TBC1D22A: variants seen among roughly 807,000 people sequenced by gnomAD.
TBC1D22A encodes putative GTPase activator.
A neutral mutation model predicts 60.2 loss-of-function variants in TBC1D22A; 38 were observed. The observed-to-expected ratio is 0.63, with a 90% CI of 0.49 to 0.83. The LOEUF (loss-of-function observed/expected upper bound fraction) is 0.83, where lower values mean the gene tolerates loss of function less well. TBC1D22A is among the 40% of genes least tolerant of loss of function. TBC1D22A has a pLI of 0.00. For synonymous variants in TBC1D22A, 302 were observed against 281.7 expected (o/e 1.07, Z -0.72); for missense variants, 628 against 701.0 (o/e 0.90, Z 1.18).
intron 11 of TBC1D22A, among the ~76,000 whole-genome samples, chr22:47,084,790 G>A (rs2064610941): frequency 2.0e-5 from 3 of 152,106 alleles, no homozygotes; most frequent in South Asian, 2.1e-4. Context: ...AACAAGTATG[G>A]TACAAAGATA....
At chr22:46,996,526 T>C (rs1003232925) in intron 9 of TBC1D22A, among the ~76,000 whole-genome samples, 2 of 152,248 alleles carry the variant, frequency 1.3e-5, no homozygotes, top group African/African-American at 4.8e-5. Flanking sequence ...CCCCTTGCCA[T>C]GTAAGGCCAC....
chr22:46,913,011 TATTA>T (rs1244371748), intron 8 of TBC1D22A, among the ~76,000 whole-genome samples: 1 of 152,228 alleles, frequency 6.6e-6, no homozygotes, highest in Admixed American at 6.5e-5. Context: ...TTCATGAGAG[TATTA>T]ATTACTTGTG....
At chr22:46,778,388 C>T (rs931411379) in intron 1 of TBC1D22A, among the ~76,000 whole-genome samples, 4 of 152,186 alleles carry the variant, frequency 2.6e-5, no homozygotes, top group Admixed American at 2.6e-4. Flanking sequence ...ATACGTTGTA[C>T]AGCTGCACCA....
At chr22:46,764,356 A>G (rs1163028445) in intron 1 of TBC1D22A, 1 of 152,234 alleles carries the variant, frequency 6.6e-6, no homozygotes, top group Non-Finnish European at 1.5e-5. Flanking sequence ...GCTGTAGAAC[A>G]TAAGAGTCCA....
At chr22:46,998,235 C>T (rs1190897618) in intron 10 of TBC1D22A, among the ~76,000 whole-genome samples, 1 of 151,844 alleles carries the variant, frequency 6.6e-6, no homozygotes, top group Non-Finnish European at 1.5e-5. Flanking sequence ...TAAAATAATC[C>T]CCCCTGCGAT....
chr22:47,085,529 C>G (rs1319169717), intron 11 of TBC1D22A, among the ~76,000 whole-genome samples: 1 of 152,090 alleles, frequency 6.6e-6, no homozygotes, highest in East Asian at 1.9e-4. Flanking sequence ...GGGCAGAGCT[C>G]TCCCAATCAA....
rs2073152225 is a variant in TBC1D22A, at chr22:46,955,700, A to G, written c.1016-18590A>G. On this transcript the variant is annotated intron_variant, in intron 8 of 12. Transcript: ENST00000337137. ...CAAATTGAACCAATAATGCAGTTCTATTTTTGTCTATCAAATCATCACAAA... is the reference window on the plus strand; with the variant it reads ...CAAATTGAACCAATAATGCAGTTCTGTTTTTGTCTATCAAATCATCACAAA... Among the ~76,000 whole-genome samples, 2 of 152,230 alleles carry G rather than the reference A, an allele frequency of 1.3e-5. 1 individual carries two copies. Among genetic ancestry groups the G allele is most frequent in the South Asian group, 4.1e-4 (2 of 4,834 alleles).
chr22:46,954,310 T>C (rs1254516315), intron 8 of TBC1D22A, among the ~76,000 whole-genome samples: 1 of 152,246 alleles, frequency 6.6e-6, no homozygotes, highest in Non-Finnish European at 1.5e-5. Context: ...TTGCTTTAGA[T>C]CAGGATTAAG....
chr22:46,958,773 T>G (rs1185371348), intron 8 of TBC1D22A, among the ~76,000 whole-genome samples: 1 of 152,230 alleles, frequency 6.6e-6, no homozygotes, highest in Non-Finnish European at 1.5e-5. Context: ...ACCCGTAGAC[T>G]TACTGGATTG....
chr22:47,148,621 C>T (rs575435892), intron 12 of TBC1D22A, among the ~76,000 whole-genome samples: 1 of 150,692 alleles, frequency 6.6e-6, no homozygotes, highest in Non-Finnish European at 1.5e-5. Context: ...CAGGATTCCT[C>T]TCCTGGGGTC....
chr22:46,817,046 TA>T (rs2085631381), intron 4 of TBC1D22A, among the ~76,000 whole-genome samples: 2 of 152,372 alleles, frequency 1.3e-5, no homozygotes, highest in Admixed American at 1.3e-4. Context: ...AAATTCTTTC[TA>T]AACTCATCAA....
intron 8 of TBC1D22A, chr22:46,914,826 A>G (rs1276537267): frequency 1.9e-5 from 3 of 155,626 alleles, no homozygotes; most frequent in East Asian, 3.8e-4. Flanking sequence ...AGCACGGAAG[A>G]CAGATTTTAG....
chr22:46,931,764 C>T (rs560841551), intron 8 of TBC1D22A, among the ~76,000 whole-genome samples: 31 of 152,194 alleles, frequency 2.0e-4, no homozygotes, highest in South Asian at 6.2e-4. Context: ...CCCTTTAAAG[C>T]CATACTGAGG....
In TBC1D22A at chr22:47,037,593, T is replaced by C. The variant is rs1038092866; in HGVS notation, c.1329+395T>C. Among the ~76,000 whole-genome samples, 3 of 152,158 alleles carry C rather than the reference T, an allele frequency of 2.0e-5. No individual in the cohort carries two copies. In the East Asian group the frequency reaches 5.8e-4, roughly 29 times the overall value. On this transcript the variant is annotated intron_variant, in intron 11 of 12. Coordinates refer to ENST00000337137, the MANE Select transcript of TBC1D22A (RefSeq NM_014346.5). ...TTGCAGGGAGCCAAGCTTGCGCCACTGCACTCCAGCCTGGGTGGCAGAGCG... is the reference window on the plus strand; with the variant it reads ...TTGCAGGGAGCCAAGCTTGCGCCACCGCACTCCAGCCTGGGTGGCAGAGCG...
At chr22:47,038,333 C>T (rs1335107167) in intron 11 of TBC1D22A, among the ~76,000 whole-genome samples, 3 of 152,258 alleles carry the variant, frequency 2.0e-5, no homozygotes, top group Middle Eastern at 3.4e-3. Flanking sequence ...TGCTGGGGGA[C>T]GGACGTTTCT....
At chr22:46,942,712 C>T (rs1328259302) in intron 8 of TBC1D22A, among the ~76,000 whole-genome samples, 2 of 152,196 alleles carry the variant, frequency 1.3e-5, no homozygotes, top group African/African-American at 4.8e-5. Flanking sequence ...GCAGTCACGT[C>T]GCCAGGCCTC....
intron 11 of TBC1D22A, among the ~76,000 whole-genome samples, chr22:47,076,876 G>T (rs559776150): frequency 6.6e-6 from 1 of 152,260 alleles, no homozygotes; most frequent in East Asian, 1.9e-4. Context: ...ACATCTTGAT[G>T]CTCTGATCCT....
In TBC1D22A at chr22:47,135,624, C is replaced by T. The variant is rs566213146; in HGVS notation, c.1425+24021C>T. Among the ~76,000 whole-genome samples, 37 of 152,306 alleles carry T rather than the reference C, an allele frequency of 2.4e-4. No homozygotes were observed. The South Asian group carries it at 4.4e-3, about 18-fold the overall frequency. On this transcript the variant is annotated intron_variant, in intron 12 of 12. Transcript: ENST00000337137. ...GATGAGGGGCCTCGAGGCCGGGTCC[C>T]ACAGGGCTGGTAGCCATGGTGGGGA...
At chr22:46,923,455 C>T (rs936317837) in intron 8 of TBC1D22A, among the ~76,000 whole-genome samples, 16 of 152,248 alleles carry the variant, frequency 1.1e-4, no homozygotes, top group Non-Finnish European at 1.3e-4. Context: ...TCTCTTGCCC[C>T]GCCCAGGGCT....
Sources: gnomAD v4.1 joint callset for allele counts (sites outside exome capture counted in the v4.1 genomes callset) on GRCh38, gnomAD v4.1.1 for gene constraint, MANE v1.5 for transcripts, NCBI Gene and HGNC (gene_info 2026-07-23, HGNC 2026-07-21) for gene names.